MAGI2: variants seen among roughly 807,000 people sequenced by gnomAD.
MAGI2 encodes the protein membrane associated guanylate kinase, WW and PDZ domain containing 2.
Under a neutral mutation model 133.3 loss-of-function variants are expected in MAGI2, and 35 were observed. That is an observed-to-expected ratio of 0.26 (90% CI 0.20 to 0.35). The LOEUF (loss-of-function observed/expected upper bound fraction) is 0.35. Among genes scored for constraint, MAGI2 ranks in the 10% least tolerant of loss-of-function variants. The pLI, the probability that MAGI2 is intolerant of heterozygous loss-of-function variation, is 1.00. For missense variants in MAGI2, 1,636 were observed against 1,863.4 expected, an observed-to-expected ratio of 0.88 and a Z score of 2.25; for synonymous variants, 729 against 710.6, an observed-to-expected ratio of 1.03 and a Z score of -0.41.
rs10526268 is a variant in MAGI2, at chr7:78,903,172, C to CTTTTT, written c.418+103913_418+103917dup. The stretch of plus-strand genomic sequence containing the variant: ...TTCATGCAAGTGGGAGTTCCTGAAT[C>CTTTTT]TTTTTTTTTTTTTTTTTTTTTTTTT... On this transcript the variant is annotated intron_variant, in intron 2 of 21. Transcript: ENST00000354212. Among the ~76,000 whole-genome samples the CTTTTT allele has an allele frequency of 6.8e-4, 38 of 56,120 alleles. 8 individuals carry two copies. The highest frequency in any genetic ancestry group is 1.5e-3 in the Admixed American group (5 of 3,270). 36.8% of individuals were successfully genotyped at this position (56,120 alleles called of 152,430 possible). A position where few individuals can be genotyped will look rare whatever the true frequency, so the allele number is the denominator to read the frequency against.
At chr7:78,736,466 T>C (rs1821857661) in intron 2 of MAGI2, among the ~76,000 whole-genome samples, 1 of 152,204 alleles carries the variant, frequency 6.6e-6, no homozygotes, top group Admixed American at 6.5e-5. Flanking sequence ...CAATATGCAA[T>C]GCATATATCA....
chr7:78,935,491 G>A (rs1019750601), intron 2 of MAGI2, among the ~76,000 whole-genome samples: 4 of 152,094 alleles, frequency 2.6e-5, no homozygotes, highest in Non-Finnish European at 4.4e-5. Flanking sequence ...ATGGAAATAT[G>A]TGGTGTTTCC....
At chr7:78,969,295 C>T (rs1415597520) in intron 2 of MAGI2, among the ~76,000 whole-genome samples, 3 of 152,000 alleles carry the variant, frequency 2.0e-5, no homozygotes, top group South Asian at 4.1e-4. Flanking sequence ...AATCAATCAC[C>T]GCCTCTTCAA....
chr7:78,654,631 C>T (rs777293389), intron 2 of MAGI2, among the ~76,000 whole-genome samples: 3 of 147,332 alleles, frequency 2.0e-5, no homozygotes, highest in Non-Finnish European at 3.0e-5. Context: ...AGCCCCATTT[C>T]GAGTTAATAC....
intron 1 of MAGI2, among the ~76,000 whole-genome samples, chr7:79,254,378 T>A (rs1003170054): frequency 6.6e-6 from 1 of 152,238 alleles, no homozygotes; most frequent in African/African-American, 2.4e-5. Context: ...ATGTATAATA[T>A]GTATCCATGT....
chr7:79,405,411 GA>G (rs1845737007), intron 1 of MAGI2, among the ~76,000 whole-genome samples: 1 of 152,090 alleles, frequency 6.6e-6, no homozygotes, highest in South Asian at 2.1e-4. Context: ...AATATGAAAA[GA>G]ATAGCTGAGT....
intron 1 of MAGI2, among the ~76,000 whole-genome samples, chr7:79,406,153 G>GT (rs761393297): frequency 1.3e-5 from 2 of 151,878 alleles, no homozygotes; most frequent in Non-Finnish European, 2.9e-5. Context: ...GGGTTGATAG[G>GT]TTTTTTTGGC....
At chr7:79,274,555 C>T (rs1399560080) in intron 1 of MAGI2, among the ~76,000 whole-genome samples, 2 of 149,582 alleles carry the variant, frequency 1.3e-5, no homozygotes, top group African/African-American at 2.4e-5. Context: ...TCATTACAAA[C>T]AGGGATCCAT....
At chr7:78,914,158 A>T (rs1220084098) in intron 2 of MAGI2, among the ~76,000 whole-genome samples, 1 of 152,304 alleles carries the variant, frequency 6.6e-6, no homozygotes, top group East Asian at 1.9e-4. Context: ...CCTTCAAATG[A>T]ACTGTAAACT....
intron 2 of MAGI2, among the ~76,000 whole-genome samples, chr7:78,694,181 T>TA (rs1341319656): frequency 6.6e-6 from 1 of 152,104 alleles, no homozygotes; most frequent in Non-Finnish European, 1.5e-5. Context: ...CCAAAGTACC[T>TA]AGCATAAGAC....
At chr7:78,747,640 G>A (rs1823051098) in intron 2 of MAGI2, among the ~76,000 whole-genome samples, 2 of 152,242 alleles carry the variant, frequency 1.3e-5, no homozygotes, top group East Asian at 3.9e-4. Flanking sequence ...ACTCTCCTAG[G>A]AGCTGCTCAA....
At chr7:78,601,007 G>A (rs1414479085) in intron 3 of MAGI2, among the ~76,000 whole-genome samples, 2 of 152,084 alleles carry the variant, frequency 1.3e-5, no homozygotes, top group Non-Finnish European at 2.9e-5. Flanking sequence ...TTAAAAATAT[G>A]TTATTTTGTC....
At chr7:78,647,435 C>T (rs1811015074) in intron 2 of MAGI2, among the ~76,000 whole-genome samples, 1 of 152,078 alleles carries the variant, frequency 6.6e-6, no homozygotes, top group South Asian at 2.1e-4. Context: ...CAAATCAAAA[C>T]CACAATGAGA....
chr7:79,309,122 T>C (rs1838050918), intron 1 of MAGI2, among the ~76,000 whole-genome samples: 1 of 152,032 alleles, frequency 6.6e-6, no homozygotes, highest in South Asian at 2.1e-4. Context: ...TTCCTTGCAA[T>C]AATCACTTTC....
At chr7:78,201,121 T>G in intron 11 of MAGI2, 41 bp downstream of exon 11, 1 of 1,350,350 alleles carries the variant, frequency 7.4e-7, no homozygotes, top group Non-Finnish European at 1.0e-6. Context: ...ATTGCAATAG[T>G]AAGTAGAAAT....
rs543839280 is a variant in MAGI2, at chr7:78,862,955, C to T, written c.418+144135G>A. On this transcript the variant is annotated intron_variant, in intron 2 of 21. Transcript: ENST00000354212. ...TTAAAACATTATCAACTTTTTTCTG[C>T]CAATTCTAACAATGCTAGAAGTAAC... Among the ~76,000 whole-genome samples the T allele has an allele frequency of 2.4e-3, 371 of 152,248 alleles. 1 individual carries two copies. The highest frequency in any genetic ancestry group is 8.4e-3 in the African/African-American group (350 of 41,546).
At chr7:78,122,008 G>A (rs1563148741) in intron 20 of MAGI2, among the ~76,000 whole-genome samples, 3 of 152,164 alleles carry the variant, frequency 2.0e-5, no homozygotes, top group Non-Finnish European at 1.5e-5. Flanking sequence ...TGTACAGTAT[G>A]GTTCAGTTAC....
intron 1 of MAGI2, among the ~76,000 whole-genome samples, chr7:79,300,231 G>C (rs538164909): frequency 2.1e-4 from 32 of 152,194 alleles, no homozygotes; most frequent in Non-Finnish European, 4.3e-4. Flanking sequence ...AAGATGATGA[G>C]AGAAAGTTTG....
intron 10 of MAGI2, among the ~76,000 whole-genome samples, chr7:78,221,164 T>C (rs1017877655): frequency 3.3e-5 from 5 of 152,228 alleles, no homozygotes; most frequent in African/African-American, 1.2e-4. Flanking sequence ...TTCCCATCTA[T>C]GGCTTTGTCA....
Sources: allele counts gnomAD v4.1 joint callset (sites outside exome capture counted in the v4.1 genomes callset), GRCh38; gene constraint gnomAD v4.1.1; transcripts MANE v1.5; gene names NCBI Gene and HGNC (gene_info 2026-07-23, HGNC 2026-07-21).